The following LRRC4C variants were observed in gnomAD, a reference collection of about 807,000 sequenced individuals.
The protein encoded by LRRC4C is leucine rich repeat containing 4C.
Under a neutral mutation model 33.6 loss-of-function variants are expected in LRRC4C, and 5 were observed. The ratio of observed to expected loss-of-function variants is 0.15; its 90% CI spans 0.08 to 0.31. The LOEUF (loss-of-function observed/expected upper bound fraction) is 0.31. Among genes scored for constraint, LRRC4C ranks in the 10% least tolerant of loss-of-function variants. LRRC4C has a pLI of 1.00. For missense variants in LRRC4C, 560 were observed against 796.7 expected, an observed-to-expected ratio of 0.70 and a Z score of 3.58; for synonymous variants, 329 against 302.0, an observed-to-expected ratio of 1.09 and a Z score of -0.93.
At chr11:40,408,176 C>T (rs994132361) in intron 3 of LRRC4C, among the ~76,000 whole-genome samples, 2 of 151,912 alleles carry the variant, frequency 1.3e-5, no homozygotes, top group Non-Finnish European at 2.9e-5. Context: ...TAAACTATTT[C>T]GATTCTAGAA....
At chr11:41,435,187 G>A (rs1044715136) in intron 1 of LRRC4C, among the ~76,000 whole-genome samples, 1 of 152,106 alleles carries the variant, frequency 6.6e-6, no homozygotes, top group African/African-American at 2.4e-5. Flanking sequence ...CTGCAGGATT[G>A]AAGATAATGA....
chr11:40,535,630 G>A (rs186818929), intron 3 of LRRC4C, among the ~76,000 whole-genome samples: 280 of 152,252 alleles, frequency 1.8e-3, no homozygotes, highest in African/African-American at 6.2e-3. Context: ...CAAATTACTG[G>A]TTGTTGAATG....
intron 2 of LRRC4C, among the ~76,000 whole-genome samples, chr11:40,668,662 A>C (rs1421005779): frequency 6.6e-6 from 1 of 152,208 alleles, no homozygotes; most frequent in Non-Finnish European, 1.5e-5. Context: ...GAGAGAGGAA[A>C]ATGTAGGTGG....
At chr11:40,729,084 G>T (rs893583548) in intron 2 of LRRC4C, among the ~76,000 whole-genome samples, 1 of 151,998 alleles carries the variant, frequency 6.6e-6, no homozygotes, top group Non-Finnish European at 1.5e-5. Context: ...TCAGCATCAT[G>T]CAATATACCT....
intron 1 of LRRC4C, among the ~76,000 whole-genome samples, chr11:41,403,548 A>T (rs939271288): frequency 2.6e-4 from 40 of 152,040 alleles, no homozygotes; most frequent in African/African-American, 8.2e-4. Context: ...GTCCCAACAA[A>T]AGGAAATAAA....
chr11:40,668,201 G>C (rs1943916689), intron 2 of LRRC4C, among the ~76,000 whole-genome samples: 1 of 152,128 alleles, frequency 6.6e-6, no homozygotes, highest in African/African-American at 2.4e-5. Context: ...AATGACATTG[G>C]CATCCAAAGT....
rs34144874 is a variant in LRRC4C at position 40,336,976 on chromosome 11, CAAAAAAAAAAAAAAA to C, written c.-269-17270_-269-17256del. On this transcript the variant is annotated intron_variant, in intron 3 of 6. Coordinates refer to ENST00000528697, the MANE Select transcript of LRRC4C (RefSeq NM_001258419.2). ...TGGGGGACAGAGCGAGACTTCGTCT[CAAAAAAAAAAAAAAA>C]AAAAAAAAAAAAAAAGAGCGAATCA... 2.2e-3 allele frequency among the ~76,000 whole-genome samples: 171 copies of C among 79,244 alleles called. 1 individual carries two copies. The highest frequency in any genetic ancestry group is 8.1e-3 in the East Asian group (27 of 3,338). The allele number at this position is 79,244 out of a possible 152,430, so 52.0% of individuals were successfully genotyped here.
At chr11:40,133,171 T>C (rs971567266) in intron 6 of LRRC4C, among the ~76,000 whole-genome samples, 1 of 152,154 alleles carries the variant, frequency 6.6e-6, no homozygotes, top group African/African-American at 2.4e-5. Flanking sequence ...CCCCAACTTC[T>C]CATTAATCCT....
Position 41,375,697 on chromosome 11 carries a change from T to C in LRRC4C, c.-496+83734A>G, listed in dbSNP as rs1952911665. On this transcript the variant is annotated intron_variant, in intron 1 of 6. Transcript: ENST00000528697. Reference sequence around the variant, plus strand: ...GGATATCACAATACTATAGAACTATTATAGTCAAACTATGAATTAATAGCT... The same window carrying C: ...GGATATCACAATACTATAGAACTATCATAGTCAAACTATGAATTAATAGCT... Among the ~76,000 whole-genome samples the C allele has an allele frequency of 2.0e-5, 3 of 152,208 alleles. No homozygotes were observed. The South Asian group carries it at 6.2e-4, about 32-fold the overall frequency.
At chr11:40,771,682 G>T (rs1406828013) in intron 2 of LRRC4C, among the ~76,000 whole-genome samples, 2 of 152,080 alleles carry the variant, frequency 1.3e-5, no homozygotes, top group Admixed American at 1.3e-4. Context: ...TCTCTCTCAA[G>T]TTCCATAGGT....
At chr11:40,462,592 G>A (rs2138199019) in intron 3 of LRRC4C, among the ~76,000 whole-genome samples, 1 of 152,144 alleles carries the variant, frequency 6.6e-6, no homozygotes, top group South Asian at 2.1e-4. Flanking sequence ...AAGACCTTAT[G>A]AAGGGTGGTG....
At chr11:40,496,530 T>C (rs907850321) in intron 3 of LRRC4C, among the ~76,000 whole-genome samples, 1 of 152,142 alleles carries the variant, frequency 6.6e-6, no homozygotes, top group African/African-American at 2.4e-5. Context: ...TATTATTTTT[T>C]TTAATCAGAG....
At chr11:41,136,128 G>A (rs1565416139) in intron 1 of LRRC4C, among the ~76,000 whole-genome samples, 2 of 152,040 alleles carry the variant, frequency 1.3e-5, no homozygotes, top group South Asian at 4.2e-4. Flanking sequence ...ATACAATGAA[G>A]AACAACACAC....
At chr11:40,724,541 A>G (rs1947192274) in intron 2 of LRRC4C, among the ~76,000 whole-genome samples, 1 of 152,160 alleles carries the variant, frequency 6.6e-6, no homozygotes, top group South Asian at 2.1e-4. Context: ...CAGAAATAAA[A>G]AAAATTATTG....
At chr11:40,221,282 T>G (rs1204258201) in intron 5 of LRRC4C, among the ~76,000 whole-genome samples, 1 of 152,250 alleles carries the variant, frequency 6.6e-6, no homozygotes, top group Non-Finnish European at 1.5e-5. Flanking sequence ...TGTCTTTGAC[T>G]TGTAATGATT....
chr11:40,608,394 A>G (rs1169391659), intron 3 of LRRC4C, among the ~76,000 whole-genome samples: 2 of 152,042 alleles, frequency 1.3e-5, no homozygotes, highest in African/African-American at 4.8e-5. Context: ...CACAAAAAAG[A>G]AAATGAGAAA....
chr11:40,875,278 A>T (rs1294533138), intron 2 of LRRC4C, among the ~76,000 whole-genome samples: 2 of 152,156 alleles, frequency 1.3e-5, no homozygotes, highest in African/African-American at 4.8e-5. Flanking sequence ...TAGATCTTAC[A>T]AATGAGGTGA....
chr11:40,319,840 C>T (rs1230216629), intron 3 of LRRC4C, 119 bp from the exon 4 acceptor site: 1 of 152,090 alleles, frequency 6.6e-6, no homozygotes, highest in African/African-American at 2.4e-5. Flanking sequence ...AATTTAAAAT[C>T]ACAGAATGTC....
At chr11:41,067,013 G>A (rs561934390) in intron 1 of LRRC4C, among the ~76,000 whole-genome samples, 15 of 152,260 alleles carry the variant, frequency 9.9e-5, no homozygotes, top group African/African-American at 3.1e-4. Flanking sequence ...ATCAACTAGT[G>A]TGCAAAATAA....
Sources: allele counts gnomAD v4.1 joint callset (sites outside exome capture counted in the v4.1 genomes callset), GRCh38; gene constraint gnomAD v4.1.1; transcripts MANE v1.5; gene names NCBI Gene and HGNC (gene_info 2026-07-23, HGNC 2026-07-21).